The following NPAS3 variants were observed in gnomAD, a reference collection of about 807,000 sequenced individuals.
The protein encoded by NPAS3 is neuronal PAS domain-containing protein 3.
In NPAS3, 14 loss-of-function variants were observed where a neutral mutation model predicts 73.1. That is an observed-to-expected ratio of 0.19 (90% CI 0.13 to 0.30). The LOEUF (loss-of-function observed/expected upper bound fraction) is 0.30. NPAS3 is among the 10% of genes least tolerant of loss of function. The pLI, the probability that NPAS3 is intolerant of heterozygous loss-of-function variation, is 1.00. For synonymous variants in NPAS3, 620 were observed against 541.5 expected (o/e 1.14, Z -2.01); for missense variants, 1,096 against 1,250.0 (o/e 0.88, Z 1.86).
chr14:33,594,991 G>C (rs1474697348), intron 5 of NPAS3, among the ~76,000 whole-genome samples: 1 of 152,146 alleles, frequency 6.6e-6, no homozygotes, highest in African/African-American at 2.4e-5. Flanking sequence ...AGTTCTAAAG[G>C]AGAAAACCAT....
chr14:33,269,183 G>T (rs895967218), intron 3 of NPAS3, among the ~76,000 whole-genome samples: 51 of 152,204 alleles, frequency 3.4e-4, no homozygotes, highest in African/African-American at 1.2e-3. Flanking sequence ...AATTAAAATA[G>T]AAATTTCAAA....
chr14:33,008,812 C>A (rs2039088049), intron 1 of NPAS3, among the ~76,000 whole-genome samples: 1 of 152,052 alleles, frequency 6.6e-6, no homozygotes, highest in Admixed American at 6.5e-5. Flanking sequence ...AATAACTTAG[C>A]AAAGGTAATA....
intron 4 of NPAS3, among the ~76,000 whole-genome samples, chr14:33,382,630 T>C (rs1408009559): frequency 6.6e-6 from 1 of 152,184 alleles, no homozygotes; most frequent in Non-Finnish European, 1.5e-5. Flanking sequence ...GGGGAATATG[T>C]AGATATTGTT....
intron 4 of NPAS3, among the ~76,000 whole-genome samples, chr14:33,453,925 A>C (rs899602290): frequency 1.3e-5 from 2 of 152,174 alleles, no homozygotes; most frequent in Non-Finnish European, 2.9e-5. Flanking sequence ...CCTGACCTCA[A>C]GTGATCTGCC....
chr14:33,050,166 G>C (rs964076719), intron 1 of NPAS3, among the ~76,000 whole-genome samples: 1 of 152,168 alleles, frequency 6.6e-6, no homozygotes, highest in Non-Finnish European at 1.5e-5. Context: ...CTGTGTTTCA[G>C]AACCTGGTCA....
intron 6 of NPAS3, among the ~76,000 whole-genome samples, chr14:33,717,515 G>A (rs145039711): frequency 6.6e-6 from 1 of 151,892 alleles, no homozygotes; most frequent in Admixed American, 6.6e-5. Context: ...TATTATTATA[G>A]AATAATAAAT....
chr14:33,765,999 T>G (rs1368150936), intron 7 of NPAS3, among the ~76,000 whole-genome samples: 1 of 152,220 alleles, frequency 6.6e-6, no homozygotes, highest in African/African-American at 2.4e-5. Context: ...AGAGGTTTTT[T>G]GTTTAAAAGA....
chr14:33,209,627 G>C (rs2046957919), intron 2 of NPAS3, among the ~76,000 whole-genome samples: 1 of 152,158 alleles, frequency 6.6e-6, no homozygotes, highest in Non-Finnish European at 1.5e-5. Context: ...CTTTGAGGCT[G>C]CATGCCAGAT....
intron 4 of NPAS3, among the ~76,000 whole-genome samples, chr14:33,540,650 G>A (rs2054469061): frequency 6.6e-6 from 1 of 152,146 alleles, no homozygotes; most frequent in Non-Finnish European, 1.5e-5. Context: ...AAAAGAATGG[G>A]CATGACAAGA....
chr14:33,138,067 ATTATAC>A (rs988161318), intron 2 of NPAS3, among the ~76,000 whole-genome samples: 25 of 147,004 alleles, frequency 1.7e-4, no homozygotes, highest in Non-Finnish European at 2.8e-4. Flanking sequence ...TTTTTTTTTA[ATTATAC>A]TTTAAGTTTT....
chr14:33,083,129 G>C (rs747330823), intron 2 of NPAS3, among the ~76,000 whole-genome samples: 1 of 135,868 alleles, frequency 7.4e-6, no homozygotes, highest in Non-Finnish European at 1.5e-5. Context: ...GTTGCAGTGA[G>C]CCGTGATCAT....
intron 1 of NPAS3, among the ~76,000 whole-genome samples, chr14:33,024,811 C>T (rs1274162182): frequency 6.6e-6 from 1 of 152,258 alleles, no homozygotes; most frequent in Non-Finnish European, 1.5e-5. Context: ...AGTTTTCAAA[C>T]TCTTCATAAT....
intron 4 of NPAS3, among the ~76,000 whole-genome samples, chr14:33,432,125 T>A (rs1285413386): frequency 1.3e-5 from 2 of 152,098 alleles, no homozygotes; most frequent in African/African-American, 2.4e-5. Flanking sequence ...AAGGAAAAAA[T>A]TCCACAGAGC....
intron 6 of NPAS3, among the ~76,000 whole-genome samples, chr14:33,687,278 T>A (rs8004197): frequency 0.19 from 28,253 of 152,092 alleles, 3,010 homozygotes; most frequent in East Asian, 0.42. Flanking sequence ...AAATTACATA[T>A]GCTATTGATC....
chr14:33,045,780 T>C (rs1000291123), intron 1 of NPAS3, among the ~76,000 whole-genome samples: 2 of 152,208 alleles, frequency 1.3e-5, no homozygotes, highest in African/African-American at 4.8e-5. Context: ...TAAGGCTATG[T>C]TGGAAATGGT....
chr14:33,636,309 T>A (rs2058513632), intron 5 of NPAS3, among the ~76,000 whole-genome samples: 1 of 152,210 alleles, frequency 6.6e-6, no homozygotes, highest in Non-Finnish European at 1.5e-5. Flanking sequence ...ATGAATCCAT[T>A]TATGAAAAAG....
chr14:33,045,483 G>C (rs1453145653), intron 1 of NPAS3, among the ~76,000 whole-genome samples: 2 of 152,158 alleles, frequency 1.3e-5, no homozygotes, highest in Non-Finnish European at 2.9e-5. Context: ...CATTTAGTAA[G>C]TGACCAGAAG....
intron 4 of NPAS3, among the ~76,000 whole-genome samples, chr14:33,539,602 T>C (rs779287004): frequency 3.3e-5 from 5 of 152,072 alleles, no homozygotes; most frequent in Non-Finnish European, 7.4e-5. Flanking sequence ...GAAAAGACTC[T>C]CCATTTACTT....
chr14:33,630,738 G>C (rs139376824), intron 5 of NPAS3, among the ~76,000 whole-genome samples: 1 of 152,162 alleles, frequency 6.6e-6, no homozygotes, highest in Non-Finnish European at 1.5e-5. Context: ...GCCCCCCCAG[G>C]ATGGAGAAGG....
Sources: gnomAD v4.1 joint callset for allele counts (sites outside exome capture counted in the v4.1 genomes callset) on GRCh38, gnomAD v4.1.1 for gene constraint, MANE v1.5 for transcripts, NCBI Gene and HGNC (gene_info 2026-07-23, HGNC 2026-07-21) for gene names.